CBL: variants seen among roughly 807,000 people sequenced by gnomAD.
The protein encoded by CBL is Cbl proto-oncogene.
Under a neutral mutation model 96.9 loss-of-function variants are expected in CBL, and 45 were observed. The ratio of observed to expected loss-of-function variants is 0.46; its 90% confidence interval spans 0.37 to 0.60. The LOEUF is 0.60. Ranked by LOEUF, CBL falls within the 20% of genes least tolerant of loss-of-function variation. The pLI is 0.00. For synonymous variants in CBL, 420 were observed against 426.8 expected (o/e 0.98, Z 0.20); for missense variants, 1,024 against 1,143.5 (o/e 0.90, Z 1.51).
chr11:119,254,555 T>C (rs902262193), intron 2 of CBL, among the ~76,000 whole-genome samples: 1 of 152,132 alleles, frequency 6.6e-6, no homozygotes, highest in African/African-American at 2.4e-5. Context: ...TATTTTAACA[T>C]GTAAACATAG....
intron 2 of CBL, among the ~76,000 whole-genome samples, chr11:119,266,018 CA>C (rs398017759): frequency 8.0e-4 from 61 of 76,028 alleles, no homozygotes; most frequent in Admixed American, 1.1e-3. Flanking sequence ...GACTCCATCT[CA>C]AAAAAAAAAA....
At chr11:119,299,417 T>C in intron 15 of CBL, 78 bp from the exon 16 acceptor site, 1 of 1,322,282 alleles carries the variant, frequency 7.6e-7, no homozygotes, top group African/African-American at 1.5e-5. Flanking sequence ...AATATCTTGA[T>C]ATTAGCACAT....
In CBL at chr11:119,282,182, A is replaced by G. The variant is rs1410029559; in HGVS notation, c.1432-2787A>G. Among the ~76,000 whole-genome samples the G allele has an allele frequency of 2.7e-5, 4 of 145,636 alleles. No individual in the cohort carries two copies. In the East Asian group the frequency reaches 7.7e-4, roughly 28 times the overall value. On this transcript the variant is annotated intron_variant, in intron 9 of 15. Transcript: ENST00000264033. ...GTGAAACCCTGTCTCTACTAAAAATACGAAAATTAGCCAGGCATGGTGGCG... is the reference window on the plus strand; with the variant it reads ...GTGAAACCCTGTCTCTACTAAAAATGCGAAAATTAGCCAGGCATGGTGGCG...
intron 1 of CBL, among the ~76,000 whole-genome samples, chr11:119,225,358 A>G (rs1364012609): frequency 6.6e-6 from 1 of 152,002 alleles, no homozygotes; most frequent in African/African-American, 2.4e-5. Context: ...TGGCCTCCCA[A>G]AGTGCTGGGA....
intron 1 of CBL, among the ~76,000 whole-genome samples, chr11:119,219,376 CAAAAAAAA>C (rs112712991): frequency 1.6e-5 from 2 of 124,274 alleles, no homozygotes; most frequent in Non-Finnish European, 3.4e-5. Context: ...GACTCTGTCT[CAAAAAAAA>C]AAAAAAGAAA....
At position 119,278,071 on chromosome 11, in the gene CBL, A is replaced by G; in HGVS notation, c.1096-95A>G. On this transcript the variant is annotated intron_variant, in intron 7 of 15. Transcript: ENST00000264033. ...GTTGTGACATTTTTATATAAGCAAA[A>G]TTTGTATAGGAAACAAGTCTTCACT... 4 of 1,137,550 alleles carry G rather than the reference A, an allele frequency of 3.5e-6. No individual in the cohort carries two copies. In the South Asian group the frequency reaches 4.2e-5, roughly 12 times the overall value. The allele number at this position is 1,137,550 out of a possible 1,614,324, so 70.5% of individuals were successfully genotyped here.
At chr11:119,276,385 A>T (rs1565871599) in intron 6 of CBL, among the ~76,000 whole-genome samples, 1 of 152,104 alleles carries the variant, frequency 6.6e-6, no homozygotes, top group Non-Finnish European at 1.5e-5. Flanking sequence ...TTTTTTCCAA[A>T]TGTTAACTTA....
chr11:119,297,447 C>T lies in CBL; in HGVS notation c.2217C>T (p.Ser739=), dbSNP rs926097164. ...CTYEAMYNIQ[S]QAPSITESST... ...ATGAAGCAATGTATAATATTCAGTC[C>T]CAGGCGCCATCTATCACCGAGAGCA... The change falls in exon 14 of 16, where the codon TCC becomes TCT. Residue 739 remains serine (S), a synonymous_variant. Transcript: ENST00000264033. 6.2e-7 allele frequency: 1 copy of T among 1,612,992 alleles called. No individual in the cohort carries two copies. The highest frequency in any genetic ancestry group is 1.3e-5 in the African/African-American group (1 of 74,694).
intron 1 of CBL, among the ~76,000 whole-genome samples, chr11:119,210,436 A>G (rs1278794037): frequency 2.0e-5 from 3 of 151,840 alleles, no homozygotes; most frequent in Non-Finnish European, 4.4e-5. Flanking sequence ...TAATTTAGTA[A>G]GAGACTTTAT....
At chr11:119,276,591 A>G (rs1214606166) in intron 6 of CBL, among the ~76,000 whole-genome samples, 4 of 152,226 alleles carry the variant, frequency 2.6e-5, no homozygotes, top group South Asian at 2.1e-4. Context: ...CTATGCTGCT[A>G]TTTATAACTA....
intron 9 of CBL, 34 bp from the exon 10 acceptor site, chr11:119,284,935 G>T: frequency 1.2e-6 from 2 of 1,612,980 alleles, no homozygotes; most frequent in South Asian, 2.2e-5. Context: ...TTCCCCAAAC[G>T]AAAGTAATCT....
rs532837579 is a variant in CBL, at chr11:119,244,581, A to ATTTT, written c.443+11901_443+11904dup. ...AGGTGCATGCTACCATGCCCGGCTAATTTTTTTTTTTTTTTTTTGAGACGG... is the reference window on the plus strand; with the variant it reads ...AGGTGCATGCTACCATGCCCGGCTAATTTTTTTTTTTTTTTTTTTTTTGAGACGG... On this transcript the variant is annotated intron_variant, in intron 2 of 15. Transcript: ENST00000264033. Among the ~76,000 whole-genome samples, 46 of 104,394 alleles carry ATTTT rather than the reference A, an allele frequency of 4.4e-4. 2 individuals are homozygous for ATTTT. The highest frequency in any genetic ancestry group is 1.2e-3 in the African/African-American group (30 of 24,356). 68.5% of individuals were successfully genotyped at this position (104,394 alleles called of 152,430 possible).
At chr11:119,222,883 A>G (rs1221105838) in intron 1 of CBL, among the ~76,000 whole-genome samples, 2 of 152,182 alleles carry the variant, frequency 1.3e-5, no homozygotes, top group Non-Finnish European at 2.9e-5. Context: ...CGAGAGTATC[A>G]AGAGCATGGC....
At position 119,244,102 on chromosome 11, in the gene CBL, C is replaced by A. The variant is rs147749042; in HGVS notation, c.443+11407C>A. On this transcript the variant is annotated intron_variant, in intron 2 of 15. Coordinates refer to ENST00000264033, the MANE Select transcript of CBL (RefSeq NM_005188.4). ...ACAGCACGAATTCACAAGAACAGTTCTGAAAATTTTCCCTTTTGTTGTAGT... is the reference window on the plus strand; with the variant it reads ...ACAGCACGAATTCACAAGAACAGTTATGAAAATTTTCCCTTTTGTTGTAGT... Among the ~76,000 whole-genome samples the A allele has an allele frequency of 9.7e-3, 1,469 of 152,228 alleles. 10 individuals carry two copies. The highest frequency in any genetic ancestry group is 0.015 in the Non-Finnish European group (1,031 of 68,008).
intron 2 of CBL, among the ~76,000 whole-genome samples, chr11:119,271,362 CTA>C (rs1179252402): frequency 6.6e-6 from 1 of 152,182 alleles, no homozygotes; most frequent in Non-Finnish European, 1.5e-5. Context: ...AGATATATGA[CTA>C]AATTTTTTCT....
At chr11:119,274,995 G>T (rs756156834) in intron 5 of CBL, 42 bp downstream of exon 5, 2 of 1,609,344 alleles carry the variant, frequency 1.2e-6, no homozygotes, top group African/African-American at 1.3e-5. Flanking sequence ...TCTGAATTTC[G>T]TTATCTTGAG....
At chr11:119,294,603 C>T (rs957242916) in intron 12 of CBL, among the ~76,000 whole-genome samples, 2 of 151,536 alleles carry the variant, frequency 1.3e-5, no homozygotes, top group African/African-American at 4.9e-5. Flanking sequence ...CCATCCTGGC[C>T]AATATGGTGA....
Position 119,299,546 on chromosome 11 carries a change from G to A in CBL, c.2486G>A (p.Arg829Gln), listed in dbSNP as rs374672276. The change falls in exon 16 of 16, where the codon CGG becomes CAG. Residue 829 changes from arginine to glutamine, a missense_variant. By Grantham distance (43) the Arg-to-Gln change is conservative. Around this residue, in one of 4 missense-constraint regions of CBL, gnomAD observed 695 missense variants for 661.6 expected, o/e 1.05. Transcript: ENST00000264033. ...GAGAGGCCTCCAAAACCATTCCCGCGGAGAATCAACTCTGAACGGAAAGCT... is the reference window on the plus strand; with the variant it reads ...GAGAGGCCTCCAAAACCATTCCCGCAGAGAATCAACTCTGAACGGAAAGCT... ...VPERPPKPFPRRINSERKAGS... is the reference protein window; with the variant it reads ...VPERPPKPFPQRINSERKAGS... 49 of 1,614,000 alleles carry A rather than the reference G, an allele frequency of 3.0e-5. No individual in the cohort carries two copies. Among genetic ancestry groups the A allele is most frequent in the African/African-American group, 4.0e-5 (3 of 74,900 alleles).
rs1484001715 is a variant in CBL, at chr11:119,299,684, A to G, written c.2624A>G (p.Gln875Arg). The G allele has an allele frequency of 6.2e-7, 1 of 1,614,230 alleles. No homozygotes were observed. Among genetic ancestry groups the G allele is most frequent in the South Asian group, 1.1e-5 (1 of 91,086 alleles). The part of the protein sequence containing the change: ...MSQGYSYQDI[Q>R]KALVIAQNNI... ...CAGGGGTACTCCTACCAGGACATCC[A>G]GAAAGCTTTGGTCATTGCCCAGAAC... Residue 875 changes from glutamine to arginine, a missense_variant, in exon 16 of 16, where the codon CAG (glutamine) becomes CGG (arginine). Gln to Arg is a conservative substitution (Grantham distance 43). Coordinates refer to ENST00000264033, the MANE Select transcript of CBL (RefSeq NM_005188.4).
Sources: allele counts gnomAD v4.1 joint callset (sites outside exome capture counted in the v4.1 genomes callset), GRCh38; gene constraint gnomAD v4.1.1; regional missense constraint gnomAD v4.1.1; transcripts MANE v1.5; gene names NCBI Gene and HGNC (gene_info 2026-07-23, HGNC 2026-07-21).